Variants in ITIH5 observed in about 807,000 individuals in gnomAD.
ITIH5 encodes inter-alpha-trypsin inhibitor heavy chain 5, also known as inter-alpha-trypsin inhibitor heavy chain H5.
A neutral mutation model predicts 77.5 loss-of-function variants in ITIH5; 65 were observed. The ratio of observed to expected loss-of-function variants is 0.84; its 90% CI spans 0.69 to 1.03. The LOEUF is 1.03. Ranked by LOEUF, ITIH5 falls within the 50% of genes least tolerant of loss-of-function variation. The pLI is 0.00. For missense variants in ITIH5, 1,208 were observed against 1,213.1 expected (o/e 1.00, Z 0.06); for synonymous variants, 525 against 494.3 (o/e 1.06, Z -0.82).
chr10:7,572,435 C>T (rs780226868), intron 11 of ITIH5: 12 of 1,350,136 alleles, frequency 8.9e-6, no homozygotes, highest in Non-Finnish European at 1.2e-5. Flanking sequence ...GCCTGCCTGT[C>T]ACACCAGACA....
chr10:7,581,896 G>A (rs1253923052), intron 8 of ITIH5, among the ~76,000 whole-genome samples: 1 of 107,428 alleles, frequency 9.3e-6, no homozygotes, highest in South Asian at 3.1e-4. Context: ...TTTTTTTTGA[G>A]ATATAGTCAT....
chr10:7,628,797 ATCT>A lies in ITIH5; in HGVS notation c.652+8428_652+8430del, dbSNP rs1833638646. ...AGCGTGTGTCCATGTTATCATATGT[ATCT>A]GTGTTTTTGCATGTGTCCATGTTGT... On this transcript the variant is annotated intron_variant, in intron 5 of 13. Transcript: ENST00000397146. Among the ~76,000 whole-genome samples, 4 of 78,568 alleles carry A rather than the reference ATCT, an allele frequency of 5.1e-5. 1 individual carries two copies. The highest frequency in any genetic ancestry group is 8.3e-5 in the Non-Finnish European group (3 of 36,330). 51.5% of individuals were successfully genotyped at this position (78,568 alleles called of 152,430 possible).
chr10:7,611,913 A>AT (rs55973419), intron 7 of ITIH5, among the ~76,000 whole-genome samples: 66,790 of 141,446 alleles, frequency 0.47, 16,904 homozygotes, highest in Admixed American at 0.6. Context: ...TCCACCTGCA[A>AT]TTTTTTTTTT....
chr10:7,666,777 A>C, intron 1 of ITIH5, 26 bp downstream of exon 1: 10 of 1,588,148 alleles, frequency 6.3e-6, no homozygotes, highest in Non-Finnish European at 8.6e-6. Context: ...CGCGCCCGGG[A>C]CCCGGCTCCC....
At chr10:7,644,660 A>C (rs1338779339) in intron 2 of ITIH5, among the ~76,000 whole-genome samples, 1 of 139,392 alleles carries the variant, frequency 7.2e-6, no homozygotes, top group Non-Finnish European at 1.5e-5. Flanking sequence ...TATCACATAT[A>C]TATCATATAT....
chr10:7,565,879 T>A, intron 13 of ITIH5, 151 bp downstream of exon 13: 1 of 880,618 alleles, frequency 1.1e-6, no homozygotes, highest in Non-Finnish European at 1.7e-6. Flanking sequence ...CACACACACA[T>A]ACATACATAC....
intron 5 of ITIH5, among the ~76,000 whole-genome samples, chr10:7,623,476 C>CA (rs1243598770): frequency 7.2e-5 from 11 of 152,246 alleles, no homozygotes; most frequent in Admixed American, 7.2e-4. Context: ...ACTGGTAACA[C>CA]AGAGGCAATG....
At chr10:7,567,638 C>T (rs1287865814) in intron 12 of ITIH5, among the ~76,000 whole-genome samples, 1 of 152,116 alleles carries the variant, frequency 6.6e-6, no homozygotes, top group Non-Finnish European at 1.5e-5. Context: ...TATGATGCCA[C>T]TGAGCAGTGT....
intron 5 of ITIH5, among the ~76,000 whole-genome samples, chr10:7,630,970 G>T (rs1188617138): frequency 6.6e-6 from 1 of 151,254 alleles, no homozygotes; most frequent in Non-Finnish European, 1.5e-5. Context: ...CTTCAGTTTT[G>T]ATAGAGATGA....
At chr10:7,568,931 T>A (rs1482010347) in intron 12 of ITIH5, among the ~76,000 whole-genome samples, 1 of 151,994 alleles carries the variant, frequency 6.6e-6, no homozygotes, top group African/African-American at 2.4e-5. Context: ...CTCCCCGGCA[T>A]CACAGCTTTT....
intron 12 of ITIH5, among the ~76,000 whole-genome samples, chr10:7,568,330 G>C (rs570126863): frequency 6.6e-5 from 10 of 152,286 alleles, no homozygotes; most frequent in African/African-American, 2.4e-4. Flanking sequence ...AGGGGTCAGG[G>C]GAGAGGAGAA....
At position 7,624,797 on chromosome 10, in the gene ITIH5, A is replaced by T. The variant is rs1042822287; in HGVS notation, c.653-7515T>A. 2.3e-4 allele frequency among the ~76,000 whole-genome samples: 3 copies of T among 13,262 alleles called. 1 individual carries two copies. The highest frequency in any genetic ancestry group is 3.1e-4 in the Non-Finnish European group (2 of 6,402). The allele number at this position is 13,262 out of a possible 152,430, so 8.7% of individuals were successfully genotyped here. A position where few individuals can be genotyped will look rare whatever the true frequency, so the allele number is the denominator to read the frequency against. ...TGAGACTCTGCCTAAAAAAAAAAAA[A>T]AATATATATATATATACACATATAT... On this transcript the variant is annotated intron_variant, in intron 5 of 13. Coordinates refer to ENST00000397146, the MANE Select transcript of ITIH5 (RefSeq NM_030569.7).
chr10:7,643,967 G>A (rs980354983), intron 2 of ITIH5, among the ~76,000 whole-genome samples: 10 of 152,206 alleles, frequency 6.6e-5, no homozygotes, highest in East Asian at 3.8e-4. Context: ...CCGGCTGGGC[G>A]CGGTGGCTCA....
At chr10:7,605,102 A>G (rs906026635) in intron 7 of ITIH5, among the ~76,000 whole-genome samples, 2 of 151,962 alleles carry the variant, frequency 1.3e-5, no homozygotes, top group Non-Finnish European at 2.9e-5. Flanking sequence ...GATTACAAGC[A>G]TGAGCCACTG....
chr10:7,566,338 T>A lies in ITIH5; in HGVS notation c.2219A>T (p.Tyr740Phe), dbSNP rs201921355. ...GATGAGGATGGTGATAGTGCGCAAG[T>A]AAGTGCGCTGTTTCTTGTGGCCATT... ...PPNGHKKQRT[Y>F]LRTITILINK... Residue 740 changes from tyrosine to phenylalanine, a missense_variant, in exon 13 of 14, where the codon TAC becomes TTC. Coordinates refer to ENST00000397146, the MANE Select transcript of ITIH5 (RefSeq NM_030569.7). 26 of 1,611,806 alleles carry A rather than the reference T, an allele frequency of 1.6e-5. No individual in the cohort carries two copies.
intron 1 of ITIH5, among the ~76,000 whole-genome samples, chr10:7,657,598 T>A (rs938669440): frequency 2.0e-5 from 3 of 152,278 alleles, no homozygotes; most frequent in African/African-American, 7.2e-5. Context: ...ATTGATTAAT[T>A]ACCACACAGC....
chr10:7,630,336 T>C (rs562463331), intron 5 of ITIH5, among the ~76,000 whole-genome samples: 4 of 152,370 alleles, frequency 2.6e-5, no homozygotes, highest in Admixed American at 1.3e-4. Context: ...TTGACTTACA[T>C]TGGTAAATTT....
chr10:7,582,624 G>A (rs1362727324), intron 8 of ITIH5, among the ~76,000 whole-genome samples: 2 of 152,018 alleles, frequency 1.3e-5, no homozygotes, highest in Non-Finnish European at 2.9e-5. Context: ...CACATTTGTG[G>A]TACATATATA....
intron 5 of ITIH5, among the ~76,000 whole-genome samples, chr10:7,632,319 A>G (rs1431175827): frequency 6.6e-6 from 1 of 152,168 alleles, no homozygotes; most frequent in Non-Finnish European, 1.5e-5. Flanking sequence ...GTGACTGCAA[A>G]TGGGTACAGG....
Sources: allele counts gnomAD v4.1 joint callset (sites outside exome capture counted in the v4.1 genomes callset), GRCh38; gene constraint gnomAD v4.1.1; transcripts MANE v1.5; gene names NCBI Gene and HGNC (gene_info 2026-07-23, HGNC 2026-07-21).